The following NCKAP5 variants were observed in gnomAD, a reference collection of about 807,000 sequenced individuals.
The protein encoded by NCKAP5 is nck-associated protein 5.
A neutral mutation model predicts 167.0 loss-of-function variants in NCKAP5; 92 were observed. The observed-to-expected ratio is 0.55, with a 90% CI of 0.47 to 0.66. The LOEUF (loss-of-function observed/expected upper bound fraction) is 0.66, where lower values mean the gene tolerates loss of function less well. Ranked by LOEUF, NCKAP5 falls within the 30% of genes least tolerant of loss-of-function variation. NCKAP5 has a pLI of 0.00. For missense variants in NCKAP5, 2,378 were observed against 2,315.0 expected (o/e 1.03, Z -0.56); for synonymous variants, 891 against 877.4 (o/e 1.02, Z -0.27).
chr2:132,861,771 G>A (rs975834489), intron 10 of NCKAP5, among the ~76,000 whole-genome samples: 4 of 152,090 alleles, frequency 2.6e-5, no homozygotes, highest in South Asian at 2.1e-4. Context: ...CCTTTGTGAC[G>A]GTTAGCATAT....
intron 8 of NCKAP5, among the ~76,000 whole-genome samples, chr2:132,928,460 T>C (rs1696093011): frequency 6.6e-6 from 1 of 152,172 alleles, no homozygotes; most frequent in African/African-American, 2.4e-5. Context: ...CTATCTCTTC[T>C]TTGAGATAAG....
chr2:133,327,196 G>A (rs1414006938), intron 3 of NCKAP5, among the ~76,000 whole-genome samples: 1 of 152,190 alleles, frequency 6.6e-6, no homozygotes, highest in East Asian at 1.9e-4. Context: ...GTTCTAGGCC[G>A]AGCTCTCAGC....
Position 133,522,875 on chromosome 2 carries a change from G to A in NCKAP5, c.-61-5288C>T, listed in dbSNP as rs1178985140. On this transcript the variant is annotated intron_variant, in intron 2 of 19. Transcript: ENST00000409261. ...TTTTCTATGTCTTCCAACATCTCTG[G>A]TTATAAAAGAATACATATATTCCTC... Among the ~76,000 whole-genome samples the A allele has an allele frequency of 2.6e-5, 4 of 152,174 alleles. No homozygotes were observed. In the South Asian group the frequency reaches 6.2e-4, roughly 24 times the overall value.
At chr2:133,244,777 C>G (rs1410027359) in intron 4 of NCKAP5, among the ~76,000 whole-genome samples, 2 of 152,056 alleles carry the variant, frequency 1.3e-5, no homozygotes, top group Non-Finnish European at 2.9e-5. Flanking sequence ...GAAAGTAACT[C>G]TTAATCTTTA....
chr2:132,673,976 T>C (rs1056808058), intron 19 of NCKAP5, among the ~76,000 whole-genome samples: 8 of 152,290 alleles, frequency 5.3e-5, no homozygotes, highest in African/African-American at 1.9e-4. Context: ...TAATACCCTG[T>C]ATGATGTATA....
At chr2:133,581,431 C>T in the NCKAP5 span, among the ~76,000 whole-genome samples, 2 of 152,122 alleles carry the variant, frequency 1.3e-5, no homozygotes, top group African/African-American at 4.8e-5. Context: ...CTGTCCTGAG[C>T]CCCAGGTGTC....
chr2:133,613,880 C>T, the NCKAP5 span, among the ~76,000 whole-genome samples: 2 of 152,174 alleles, frequency 1.3e-5, no homozygotes, highest in East Asian at 3.8e-4. Flanking sequence ...AATTAGAAAA[C>T]AGTACTCCTT....
chr2:133,071,077 C>G (rs1385671500), intron 6 of NCKAP5, among the ~76,000 whole-genome samples: 1 of 152,056 alleles, frequency 6.6e-6, no homozygotes, highest in Non-Finnish European at 1.5e-5. Flanking sequence ...ATAATAAAGA[C>G]AAAAGGTGAC....
chr2:132,780,148 T>G (rs1168192659), intron 15 of NCKAP5, among the ~76,000 whole-genome samples: 2 of 152,202 alleles, frequency 1.3e-5, no homozygotes, highest in Non-Finnish European at 2.9e-5. Flanking sequence ...TACTCTTTCA[T>G]TTATTTTTTA....
chr2:133,212,010 A>C (rs780556889), intron 5 of NCKAP5, among the ~76,000 whole-genome samples: 9 of 152,250 alleles, frequency 5.9e-5, no homozygotes, highest in African/African-American at 9.6e-5. Context: ...CTGTGAGCTT[A>C]AATGAAATTT....
chr2:133,194,524 C>G (rs1312323815), intron 5 of NCKAP5, among the ~76,000 whole-genome samples: 3 of 151,968 alleles, frequency 2.0e-5, no homozygotes, highest in Admixed American at 6.6e-5. Context: ...AGCTCTCATG[C>G]CAAGGACACT....
At chr2:133,176,675 C>T (rs1299508436) in intron 5 of NCKAP5, among the ~76,000 whole-genome samples, 1 of 152,184 alleles carries the variant, frequency 6.6e-6, no homozygotes, top group African/African-American at 2.4e-5. Flanking sequence ...ACAAAAGCAA[C>T]CATGGATCCT....
At chr2:133,009,169 T>G (rs1197084555) in intron 6 of NCKAP5, among the ~76,000 whole-genome samples, 1 of 152,172 alleles carries the variant, frequency 6.6e-6, no homozygotes, top group Non-Finnish European at 1.5e-5. Context: ...GGAATCTGTG[T>G]TTTAAATAAG....
At chr2:133,435,692 T>C (rs1406351839) in intron 3 of NCKAP5, among the ~76,000 whole-genome samples, 1 of 152,352 alleles carries the variant, frequency 6.6e-6, no homozygotes, top group Middle Eastern at 3.4e-3. Flanking sequence ...TTTGCATTAA[T>C]GAAATCCACT....
chr2:132,810,476 C>CT (rs1489445142), intron 11 of NCKAP5, among the ~76,000 whole-genome samples: 1 of 152,062 alleles, frequency 6.6e-6, no homozygotes, highest in Non-Finnish European at 1.5e-5. Context: ...TTTTCTTATT[C>CT]TTTTTTTCAT....
chr2:133,604,620 C>T, the NCKAP5 span, among the ~76,000 whole-genome samples: 13 of 151,948 alleles, frequency 8.6e-5, no homozygotes, highest in African/African-American at 2.9e-4. Flanking sequence ...CAGCTAAGAA[C>T]GTGAACCCAG....
chr2:133,360,129 C>T (rs1685001520), intron 3 of NCKAP5, among the ~76,000 whole-genome samples: 1 of 152,032 alleles, frequency 6.6e-6, no homozygotes, highest in South Asian at 2.1e-4. Flanking sequence ...CTCCTTTAGC[C>T]CCCAGGTCAG....
rs7603712 is a variant in NCKAP5 at position 133,147,610 on chromosome 2, T to G, written c.208-17499A>C. ...GGAGACACTGCTCTAGACATAGCAG[T>G]GGTGATGTATAACTCACGGTAGGTC... On this transcript the variant is annotated intron_variant, in intron 5 of 19. Transcript: ENST00000409261. 3.3e-5 allele frequency among the ~76,000 whole-genome samples: 5 copies of G among 152,136 alleles called. No individual in the cohort carries two copies. The East Asian group carries it at 5.8e-4, about 18-fold the overall frequency.
At chr2:133,044,067 G>T (rs1305557526) in intron 6 of NCKAP5, among the ~76,000 whole-genome samples, 2 of 152,102 alleles carry the variant, frequency 1.3e-5, no homozygotes, top group African/African-American at 4.8e-5. Context: ...AATTGGCATT[G>T]CAGACCAATA....
Sources: allele counts gnomAD v4.1 joint callset (sites outside exome capture counted in the v4.1 genomes callset), GRCh38; gene constraint gnomAD v4.1.1; transcripts MANE v1.5; gene names NCBI Gene and HGNC (gene_info 2026-07-23, HGNC 2026-07-21).